Variants in CYP4Z1 observed in about 807,000 individuals in gnomAD.
CYP4Z1 encodes cytochrome P450 family 4 subfamily Z member 1.
Under a neutral mutation model 54.2 loss-of-function variants are expected in CYP4Z1, and 41 were observed. The observed-to-expected ratio is 0.76, with a 90% CI of 0.59 to 0.98. The LOEUF (loss-of-function observed/expected upper bound fraction) is 0.98. Among genes scored for constraint, CYP4Z1 ranks in the 50% least tolerant of loss-of-function variants. The pLI, the probability that CYP4Z1 is intolerant of heterozygous loss-of-function variation, is 0.00. For synonymous variants in CYP4Z1, 163 were observed against 206.2 expected (o/e 0.79, Z 1.79); for missense variants, 513 against 599.0 (o/e 0.86, Z 1.50).
intron 9 of CYP4Z1, among the ~76,000 whole-genome samples, chr1:47,110,258 A>G (rs1266036323): frequency 1.3e-5 from 2 of 150,790 alleles, no homozygotes; most frequent in African/African-American, 2.4e-5. Flanking sequence ...TCCCCTAAAT[A>G]ATTCACAATC....
intron 11 of CYP4Z1, among the ~76,000 whole-genome samples, chr1:47,117,253 T>C (rs1267153585): frequency 6.6e-6 from 1 of 152,160 alleles, no homozygotes; most frequent in Non-Finnish European, 1.5e-5. Flanking sequence ...CTTTTCCTTA[T>C]CATGATATAA....
chr1:47,110,943 A>T (rs1383983816), intron 9 of CYP4Z1, among the ~76,000 whole-genome samples: 1 of 151,516 alleles, frequency 6.6e-6, no homozygotes, highest in African/African-American at 2.4e-5. Context: ...ACTTAGGAAG[A>T]ATTCGTTAAC....
intron 6 of CYP4Z1, among the ~76,000 whole-genome samples, chr1:47,091,877 C>G (rs2742088): frequency 1.4e-5 from 2 of 147,388 alleles, no homozygotes; most frequent in East Asian, 4.4e-4. Flanking sequence ...ATGCCCCTTC[C>G]GGTCCTGCTG....
At chr1:47,096,418 A>T (rs1644677127) in intron 7 of CYP4Z1, among the ~76,000 whole-genome samples, 1 of 152,162 alleles carries the variant, frequency 6.6e-6, no homozygotes, top group African/African-American at 2.4e-5. Context: ...ATAATAGTAA[A>T]AAATAAAATA....
chr1:47,104,029 G>A (rs1644739406), intron 8 of CYP4Z1, among the ~76,000 whole-genome samples: 1 of 152,128 alleles, frequency 6.6e-6, no homozygotes, highest in Non-Finnish European at 1.5e-5. Flanking sequence ...TGCTTTTCAT[G>A]TTTCCTGTGT....
intron 7 of CYP4Z1, among the ~76,000 whole-genome samples, chr1:47,096,126 A>T (rs1417022978): frequency 6.6e-6 from 1 of 152,172 alleles, no homozygotes; most frequent in Non-Finnish European, 1.5e-5. Context: ...TTAAAAAAAA[A>T]TTTAATTTTC....
intron 10 of CYP4Z1, 106 bp downstream of exon 10, chr1:47,115,699 GA>G: frequency 9.0e-7 from 1 of 1,115,486 alleles, no homozygotes. Context: ...CTGTCATTTA[GA>G]AAAGAACAAA....
At chr1:47,109,527 A>G (rs1644778431) in intron 9 of CYP4Z1, among the ~76,000 whole-genome samples, 1 of 152,216 alleles carries the variant, frequency 6.6e-6, no homozygotes, top group Admixed American at 6.5e-5. Flanking sequence ...AGCCTAGGGT[A>G]CAATTAAAGA....
chr1:47,061,622 A>C, the CYP4Z1 span, among the ~76,000 whole-genome samples: 4 of 152,236 alleles, frequency 2.6e-5, no homozygotes, highest in Non-Finnish European at 4.4e-5. Flanking sequence ...AACTGGTAGC[A>C]TTCCTACTGA....
chr1:47,061,613 AC>A, the CYP4Z1 span, among the ~76,000 whole-genome samples: 2 of 152,192 alleles, frequency 1.3e-5, no homozygotes, highest in East Asian at 3.8e-4. Flanking sequence ...ACAAAGAAGA[AC>A]TGGTAGCATT....
At chr1:47,069,197 G>A (rs567130502) in intron 2 of CYP4Z1, among the ~76,000 whole-genome samples, 6 of 152,388 alleles carry the variant, frequency 3.9e-5, no homozygotes, top group Middle Eastern at 3.4e-3. Flanking sequence ...CCAGTGCCAG[G>A]TTGGAGGCTC....
chr1:47,099,275 CTAT>C lies in CYP4Z1; in HGVS notation c.1061_1063del (p.Ile354del). ...AGGGAACTCCTAGGGGATGGGTCTT[CTAT>C]TACCTGGTAAGACCTGTATTCCTAT... On this transcript the variant is annotated inframe_deletion, in exon 8 of 12. Coordinates refer to ENST00000334194, the MANE Select transcript of CYP4Z1 (RefSeq NM_178134.3). 1 of 1,605,652 alleles carries C rather than the reference CTAT, an allele frequency of 6.2e-7. No homozygotes were observed. Among genetic ancestry groups the C allele is most frequent in the Non-Finnish European group, 8.5e-7 (1 of 1,177,362 alleles).
At chr1:47,065,102 T>C (rs1644442704), upstream of CYP4Z1, among the ~76,000 whole-genome samples, 1 of 152,150 alleles carries the variant, frequency 6.6e-6, no homozygotes, top group African/African-American at 2.4e-5. Context: ...TAATACTCCA[T>C]GGACAGCACT....
rs373976456 is a variant in CYP4Z1 at position 47,113,775 on chromosome 1, G to A, written c.1202-1754G>A. Reference sequence around the variant, plus strand: ...ACCTCTTCAAGGAGAACTACAAACCGCTGCTCAATGAAATAAAAGAGGATA... The same window carrying A: ...ACCTCTTCAAGGAGAACTACAAACCACTGCTCAATGAAATAAAAGAGGATA... On this transcript the variant is annotated intron_variant, in intron 9 of 11. Transcript: ENST00000334194. Among the ~76,000 whole-genome samples, 40 of 152,028 alleles carry A rather than the reference G, an allele frequency of 2.6e-4. No individual in the cohort carries two copies. The East Asian group carries it at 3.9e-3, about 15-fold the overall frequency.
intron 9 of CYP4Z1, among the ~76,000 whole-genome samples, chr1:47,109,937 G>A (rs1392201901): frequency 6.6e-6 from 1 of 151,064 alleles, no homozygotes; most frequent in Non-Finnish European, 1.5e-5. Context: ...TTTGCCCTAA[G>A]GCTCCATGGA....
In CYP4Z1 at chr1:47,114,416, A is replaced by C. The variant is rs540604137; in HGVS notation, c.1202-1113A>C. Among the ~76,000 whole-genome samples the C allele has an allele frequency of 5.1e-4, 78 of 152,330 alleles. 2 individuals carry two copies. The East Asian group carries it at 0.015, about 29-fold the overall frequency. On this transcript the variant is annotated intron_variant, in intron 9 of 11. Transcript: ENST00000334194. ...ACTTCATGTCTAAAACACCAAAAGC[A>C]ATGGCAACAAAAGCCAAAATTGACA...
At chr1:47,059,720 A>G in the CYP4Z1 span, among the ~76,000 whole-genome samples, 1 of 152,174 alleles carries the variant, frequency 6.6e-6, no homozygotes, top group Non-Finnish European at 1.5e-5. Flanking sequence ...TGATGAAAGA[A>G]CATTTAATTT....
chr1:47,062,311 G>T (rs2134461), upstream of CYP4Z1, among the ~76,000 whole-genome samples: 7 of 152,238 alleles, frequency 4.6e-5, no homozygotes, highest in East Asian at 3.8e-4. Flanking sequence ...AACCACTGCA[G>T]GAACATACCG....
In CYP4Z1 at chr1:47,085,985, C is replaced by T. The variant is rs945186227; in HGVS notation, c.772+1007C>T. 8.1e-3 allele frequency among the ~76,000 whole-genome samples: 1,237 copies of T among 151,866 alleles called. 14 individuals carry two copies. Among genetic ancestry groups the T allele is most frequent in the African/African-American group, 0.028 (1,170 of 41,386 alleles). ...TGTGATAGTTTGCTGAGAATGATGG[C>T]TTCCAGCTTCATCCATGTCCCTACA... is the stretch of plus-strand genomic sequence containing the variant. On this transcript the variant is annotated intron_variant, in intron 6 of 11. Coordinates refer to ENST00000334194, the MANE Select transcript of CYP4Z1 (RefSeq NM_178134.3).
Sources: allele counts gnomAD v4.1 joint callset (sites outside exome capture counted in the v4.1 genomes callset), GRCh38; gene constraint gnomAD v4.1.1; transcripts MANE v1.5; gene names NCBI Gene and HGNC (gene_info 2026-07-23, HGNC 2026-07-21).